Variants in DPY19L4 observed in about 807,000 individuals in gnomAD.
DPY19L4 encodes the protein probable C-mannosyltransferase DPY19L4.
In DPY19L4, 97 loss-of-function variants were observed where a neutral mutation model predicts 102.8. The observed-to-expected ratio is 0.94, with a 90% CI of 0.80 to 1.12. The LOEUF (loss-of-function observed/expected upper bound fraction) is 1.12. DPY19L4 is among the 50% of genes most tolerant of loss of function. The probability of loss-of-function intolerance (pLI) is 0.00; values close to 1 mark genes in which losing one functional copy is unlikely to be tolerated. For synonymous variants in DPY19L4, 252 were observed against 283.1 expected (o/e 0.89, Z 1.10); for missense variants, 815 against 850.4 (o/e 0.96, Z 0.52).
intron 17 of DPY19L4, among the ~76,000 whole-genome samples, chr8:94,786,102 G>A (rs915864514): frequency 6.6e-6 from 1 of 152,126 alleles, no homozygotes; most frequent in African/African-American, 2.4e-5. Context: ...CTCCATAAAT[G>A]AGACCATATC....
At chr8:94,729,039 A>C (rs1810815726) in intron 2 of DPY19L4, among the ~76,000 whole-genome samples, 1 of 151,962 alleles carries the variant, frequency 6.6e-6, no homozygotes, top group Non-Finnish European at 1.5e-5. Flanking sequence ...AAAAAAAGAA[A>C]AAGCTGTTTG....
At chr8:94,722,340 G>A (rs1359616734) in intron 1 of DPY19L4, among the ~76,000 whole-genome samples, 2 of 151,962 alleles carry the variant, frequency 1.3e-5, no homozygotes, top group East Asian at 1.9e-4. Context: ...CCAGGAGGCC[G>A]AGGTTGCAGT....
At chr8:94,757,282 G>A (rs1190802090) in intron 7 of DPY19L4, among the ~76,000 whole-genome samples, 1 of 152,122 alleles carries the variant, frequency 6.6e-6, no homozygotes, top group African/African-American at 2.4e-5. Context: ...CCTGAGCATA[G>A]CAAACTTTAT....
chr8:94,742,758 A>G (rs556832423), intron 6 of DPY19L4, among the ~76,000 whole-genome samples: 63 of 151,336 alleles, frequency 4.2e-4, no homozygotes, highest in Non-Finnish European at 7.8e-4. Context: ...ATGGGGTTTC[A>G]CCATATTGGC....
intron 6 of DPY19L4, 21 bp downstream of exon 6, chr8:94,739,811 G>A: frequency 6.2e-7 from 1 of 1,609,194 alleles, no homozygotes; most frequent in Non-Finnish European, 8.5e-7. Flanking sequence ...TGTTTTAATT[G>A]ATTTTTAAAA....
intron 16 of DPY19L4, among the ~76,000 whole-genome samples, chr8:94,781,581 G>A (rs1813433796): frequency 6.6e-6 from 1 of 152,142 alleles, no homozygotes; most frequent in Non-Finnish European, 1.5e-5. Flanking sequence ...TATGGAAGCA[G>A]GGAATTGGAA....
rs1025543744 is a variant in DPY19L4, at chr8:94,756,212, T to C, written c.735+53T>C. 8 of 1,586,424 alleles carry C rather than the reference T, an allele frequency of 5.0e-6. No individual in the cohort carries two copies. In the Admixed American group the frequency reaches 5.5e-5, roughly 11 times the overall value. On this transcript the variant is annotated intron_variant, in intron 7 of 18. Coordinates refer to ENST00000414645, the MANE Select transcript of DPY19L4 (RefSeq NM_181787.3). ...GCAGCTAATTCTGATGTATTGCAAA[T>C]GTGGCACATAATAGCAAATAAATTT...
intron 18 of DPY19L4, among the ~76,000 whole-genome samples, chr8:94,788,766 T>A (rs1419218026): frequency 6.6e-6 from 1 of 152,164 alleles, no homozygotes; most frequent in Non-Finnish European, 1.5e-5. Context: ...GAGTGAGGGA[T>A]CATAAGAAAA....
intron 12 of DPY19L4, among the ~76,000 whole-genome samples, chr8:94,769,054 G>GTTT (rs1184803488): frequency 2.2e-4 from 30 of 138,410 alleles, no homozygotes; most frequent in Admixed American, 2.8e-4. Flanking sequence ...TTTAAACTTA[G>GTTT]TTTTTTTGTT....
intron 7 of DPY19L4, among the ~76,000 whole-genome samples, chr8:94,761,037 G>C (rs182112165): frequency 6.6e-6 from 1 of 152,208 alleles, no homozygotes; most frequent in Non-Finnish European, 1.5e-5. Context: ...AGGCTGAGAT[G>C]TAAGCAGACT....
intron 16 of DPY19L4, among the ~76,000 whole-genome samples, chr8:94,782,935 A>T (rs1034609180): frequency 6.6e-6 from 1 of 152,242 alleles, no homozygotes; most frequent in South Asian, 2.1e-4. Flanking sequence ...TTGAATATTT[A>T]TGTTACTGGG....
chr8:94,757,836 G>A (rs571216893), intron 7 of DPY19L4, among the ~76,000 whole-genome samples: 5 of 152,246 alleles, frequency 3.3e-5, no homozygotes, highest in African/African-American at 1.2e-4. Flanking sequence ...GCCGGGTGTG[G>A]TGGCTCACAC....
intron 2 of DPY19L4, among the ~76,000 whole-genome samples, chr8:94,726,937 T>A (rs1411451808): frequency 1.3e-5 from 2 of 152,116 alleles, no homozygotes; most frequent in African/African-American, 4.8e-5. Context: ...AATAATAATA[T>A]AGTTTACCAC....
chr8:94,764,438 G>A (rs745481769), intron 8 of DPY19L4, among the ~76,000 whole-genome samples: 6 of 151,450 alleles, frequency 4.0e-5, no homozygotes, highest in East Asian at 2.0e-4. Flanking sequence ...TTAGCCGGGC[G>A]TGGTGGTGAC....
chr8:94,734,127 T>TCGG, intron 2 of DPY19L4, among the ~76,000 whole-genome samples: 1 of 150,944 alleles, frequency 6.6e-6, no homozygotes, highest in African/African-American at 2.4e-5. Flanking sequence ...TGGCATGATC[T>TCGG]CGGCTTACTG....
intron 2 of DPY19L4, among the ~76,000 whole-genome samples, chr8:94,732,343 A>T (rs886597833): frequency 6.6e-6 from 1 of 152,108 alleles, no homozygotes. Flanking sequence ...GGCTGTAGCA[A>T]GACTGAATCA....
At chr8:94,786,550 G>T (rs1190062529) in intron 17 of DPY19L4, among the ~76,000 whole-genome samples, 2 of 151,706 alleles carry the variant, frequency 1.3e-5, no homozygotes. Context: ...CTGAACCTAA[G>T]TTCCCAATAT....
intron 7 of DPY19L4, among the ~76,000 whole-genome samples, chr8:94,758,962 T>G (rs954555776): frequency 3.3e-5 from 5 of 152,152 alleles, no homozygotes; most frequent in Non-Finnish European, 5.9e-5. Flanking sequence ...CTTGAACTCC[T>G]GAGCTCAAGT....
chr8:94,792,865 A>C lies in DPY19L4; in HGVS notation c.*2955A>C, dbSNP rs1813924879. ...GCAAGACTCCATCTCAAAAAGAAAA[A>C]AAAAGTAGAGATGGGATCTCTAGCC... On this transcript the variant is annotated 3_prime_UTR_variant, in exon 19 of 19. Coordinates refer to ENST00000414645, the MANE Select transcript of DPY19L4 (RefSeq NM_181787.3). 1 of 152,158 alleles carries C rather than the reference A, an allele frequency of 6.6e-6. No individual in the cohort carries two copies. The highest frequency in any genetic ancestry group is 1.5e-5 in the Non-Finnish European group (1 of 68,058). 9.4% of individuals were successfully genotyped at this position (152,158 alleles called of 1,614,324 possible).
Sources: gnomAD v4.1 joint callset for allele counts (sites outside exome capture counted in the v4.1 genomes callset) on GRCh38, gnomAD v4.1.1 for gene constraint, MANE v1.5 for transcripts, NCBI Gene and HGNC (gene_info 2026-07-23, HGNC 2026-07-21) for gene names.